RRP15: variants seen among roughly 807,000 people sequenced by gnomAD.
RRP15 encodes the protein RRP15-like protein.
RRP15 carries 18 observed loss-of-function variants against 27.1 expected under a neutral mutation model. The observed-to-expected ratio is 0.66, with a 90% CI of 0.46 to 0.98. The LOEUF (loss-of-function observed/expected upper bound fraction) is 0.98. Among genes scored for constraint, RRP15 ranks in the 50% least tolerant of loss-of-function variants. The probability of loss-of-function intolerance (pLI) is 0.00; values close to 1 mark genes in which losing one functional copy is unlikely to be tolerated. For synonymous variants in RRP15, 107 were observed against 109.4 expected, an observed-to-expected ratio of 0.98 and a Z score of 0.14; for missense variants, 359 against 337.8, an observed-to-expected ratio of 1.06 and a Z score of -0.49.
intron 1 of RRP15, among the ~76,000 whole-genome samples, chr1:218,291,409 C>T (rs1009192929): frequency 2.7e-5 from 4 of 150,038 alleles, no homozygotes; most frequent in African/African-American, 9.8e-5. Flanking sequence ...TGTGCCACTG[C>T]ACTCCAGCCT....
intron 1 of RRP15, 25 bp downstream of exon 1, chr1:218,285,480 G>A (rs758603503): frequency 1.9e-6 from 3 of 1,612,744 alleles, no homozygotes; most frequent in East Asian, 2.2e-5. Flanking sequence ...CTGAGCTTTG[G>A]TGTCTGGGAG....
At chr1:218,330,862 G>A in intron 4 of RRP15, 86 bp from the exon 5 acceptor site, 4 of 1,206,566 alleles carry the variant, frequency 3.3e-6, no homozygotes, top group South Asian at 2.9e-5. Flanking sequence ...ACTAAGCATT[G>A]AAAAGTTTGT....
At chr1:218,289,548 A>G (rs1655601669) in intron 1 of RRP15, among the ~76,000 whole-genome samples, 1 of 152,212 alleles carries the variant, frequency 6.6e-6, no homozygotes, top group African/African-American at 2.4e-5. Context: ...TGTCTCTAAG[A>G]AAGACACTGC....
At chr1:218,329,236 A>C (rs1041400473) in intron 4 of RRP15, among the ~76,000 whole-genome samples, 13 of 83,222 alleles carry the variant, frequency 1.6e-4, no homozygotes, top group Non-Finnish European at 2.9e-4. Context: ...CCCTGTCTCT[A>C]CAAAAAAAAA....
chr1:218,312,307 C>T (rs1351944955), intron 4 of RRP15, among the ~76,000 whole-genome samples: 1 of 147,148 alleles, frequency 6.8e-6, no homozygotes, highest in Non-Finnish European at 1.5e-5. Flanking sequence ...AGCCATTGAG[C>T]GGTTCAGTGC....
At chr1:218,320,047 C>CT (rs140693389) in intron 4 of RRP15, among the ~76,000 whole-genome samples, 20,203 of 139,212 alleles carry the variant, frequency 0.15, 3,407 homozygotes, top group African/African-American at 0.42. Flanking sequence ...TGTTTTATTT[C>CT]TTTTTTTTTC....
chr1:218,293,404 C>T (rs1655674974), intron 1 of RRP15, among the ~76,000 whole-genome samples: 1 of 152,126 alleles, frequency 6.6e-6, no homozygotes, highest in African/African-American at 2.4e-5. Flanking sequence ...ATTAAGTTAT[C>T]AAAAACTTTT....
intron 4 of RRP15, among the ~76,000 whole-genome samples, chr1:218,324,866 CCTTT>C (rs1656247923): frequency 6.6e-6 from 1 of 151,898 alleles, no homozygotes; most frequent in African/African-American, 2.4e-5. Context: ...TATTTAATTT[CCTTT>C]ATTAATTTAG....
intron 4 of RRP15, among the ~76,000 whole-genome samples, chr1:218,319,124 A>G (rs867898419): frequency 4.0e-5 from 6 of 151,384 alleles, no homozygotes; most frequent in Non-Finnish European, 7.4e-5. Context: ...CAATGGTGCA[A>G]TCTCGGCTCG....
chr1:218,295,312 C>T (rs1655702534), intron 1 of RRP15, among the ~76,000 whole-genome samples: 1 of 151,964 alleles, frequency 6.6e-6, no homozygotes, highest in Non-Finnish European at 1.5e-5. Context: ...GGACAGGGTG[C>T]GGGGGAAGCG....
chr1:218,287,151 T>C (rs1411220413), intron 1 of RRP15, among the ~76,000 whole-genome samples: 3 of 149,906 alleles, frequency 2.0e-5, no homozygotes, highest in Non-Finnish European at 3.0e-5. Context: ...TCTTTTTTTT[T>C]TTTTTTTTTG....
intron 1 of RRP15, among the ~76,000 whole-genome samples, chr1:218,290,531 A>C (rs944436231): frequency 6.6e-6 from 1 of 152,128 alleles, no homozygotes; most frequent in Admixed American, 6.5e-5. Flanking sequence ...GCAGTGGTGC[A>C]ATCTTGGCTC....
chr1:218,312,955 G>A (rs1211439287), intron 4 of RRP15, among the ~76,000 whole-genome samples: 1 of 152,208 alleles, frequency 6.6e-6, no homozygotes, highest in Non-Finnish European at 1.5e-5. Flanking sequence ...GTTGGCATTA[G>A]ATTTGAAGTG....
At chr1:218,318,120 G>A (rs1656118872) in intron 4 of RRP15, among the ~76,000 whole-genome samples, 1 of 152,020 alleles carries the variant, frequency 6.6e-6, no homozygotes, top group African/African-American at 2.4e-5. Context: ...TTTAAAAGTT[G>A]TTAACACTTA....
rs184706170 is a variant in RRP15 at position 218,292,708 on chromosome 1, G to T, written c.139+7253G>T. On this transcript the variant is annotated intron_variant, in intron 1 of 4. Coordinates refer to ENST00000366932, the MANE Select transcript of RRP15 (RefSeq NM_016052.4). ...TCTCCTTGTAAACTGGCAACAGTCT[G>T]CATACCCAACCTGTGTGATCTGACC... Among the ~76,000 whole-genome samples, 70 of 152,332 alleles carry T rather than the reference G, an allele frequency of 4.6e-4. No individual in the cohort carries two copies. In the East Asian group the frequency reaches 0.012, roughly 26 times the overall value.
At chr1:218,295,880 A>G (rs1248125070) in intron 1 of RRP15, among the ~76,000 whole-genome samples, 2 of 151,994 alleles carry the variant, frequency 1.3e-5, no homozygotes, top group East Asian at 3.9e-4. Flanking sequence ...TTTTTATGGA[A>G]ACCTGGGATG....
intron 1 of RRP15, among the ~76,000 whole-genome samples, chr1:218,285,769 G>A (rs1655535978): frequency 6.6e-6 from 1 of 152,032 alleles, no homozygotes; most frequent in African/African-American, 2.4e-5. Context: ...AAGGAAGAGG[G>A]TACTTGAAAA....
chr1:218,313,292 T>A (rs977319054), intron 4 of RRP15, among the ~76,000 whole-genome samples: 2 of 152,096 alleles, frequency 1.3e-5, no homozygotes, highest in African/African-American at 2.4e-5. Flanking sequence ...GAACTAAGAT[T>A]GTGTGGGGTA....
chr1:218,300,751 A>G (rs1022471699), intron 1 of RRP15, among the ~76,000 whole-genome samples: 4 of 152,256 alleles, frequency 2.6e-5, no homozygotes, highest in Non-Finnish European at 5.9e-5. Context: ...AGACTCAATC[A>G]ATAGACTTCT....
Sources: allele counts gnomAD v4.1 joint callset (sites outside exome capture counted in the v4.1 genomes callset), GRCh38; gene constraint gnomAD v4.1.1; transcripts MANE v1.5; gene names NCBI Gene and HGNC (gene_info 2026-07-23, HGNC 2026-07-21).